Variants in TIAM1 observed in about 807,000 individuals in gnomAD.
The protein encoded by TIAM1 is TIAM Rac1 associated GEF 1.
A neutral mutation model predicts 163.5 loss-of-function variants in TIAM1; 65 were observed. The ratio of observed to expected loss-of-function variants is 0.40; its 90% confidence interval spans 0.33 to 0.49. The LOEUF (loss-of-function observed/expected upper bound fraction) is 0.49. TIAM1 is among the 20% of genes least tolerant of loss of function. The pLI is 0.77. For synonymous variants in TIAM1, 833 were observed against 810.1 expected, an observed-to-expected ratio of 1.03 and a Z score of -0.48; for missense variants, 1,789 against 2,044.7, an observed-to-expected ratio of 0.87 and a Z score of 2.41.
At chr21:31,507,672 C>G (rs2047078556) in intron 1 of TIAM1, among the ~76,000 whole-genome samples, 1 of 152,196 alleles carries the variant, frequency 6.6e-6, no homozygotes, top group Non-Finnish European at 1.5e-5. Context: ...GTCATGGTCC[C>G]CGTCCTCTTG....
At position 31,195,364 on chromosome 21, in the gene TIAM1, GTCA is replaced by G. The variant is rs1197427828; in HGVS notation, c.2494-62_2494-60del. 9.0e-6 allele frequency: 11 copies of G among 1,221,406 alleles called. 1 individual carries two copies. Among genetic ancestry groups the G allele is most frequent in the South Asian group, 6.7e-5 (5 of 75,176 alleles). 75.7% of individuals were successfully genotyped at this position (1,221,406 alleles called of 1,614,324 possible). A position where few individuals can be genotyped will look rare whatever the true frequency, so the allele number is the denominator to read the frequency against. On this transcript the variant is annotated intron_variant, in intron 12 of 27. Coordinates refer to ENST00000541036, the MANE Select transcript of TIAM1 (RefSeq NM_001353694.2). Reference sequence around the variant, plus strand: ...TCATTATAACTAACTTTTAAAAATGGTCATCATTTCATAAATCTATTTTTTCAC... The same window carrying G: ...TCATTATAACTAACTTTTAAAAATGGTCATTTCATAAATCTATTTTTTCAC...
chr21:31,427,987 C>T lies in TIAM1; in HGVS notation c.-369+35996G>A, dbSNP rs57208921. Among the ~76,000 whole-genome samples the T allele has an allele frequency of 3.9e-5, 6 of 152,268 alleles. No homozygotes were observed. The South Asian group carries it at 6.2e-4, about 16-fold the overall frequency. ...TCTATAGAAACTGAACGCGGCCAGGCGCAGTGGCTCATGCCTGTAATCCCA... is the reference window on the plus strand; with the variant it reads ...TCTATAGAAACTGAACGCGGCCAGGTGCAGTGGCTCATGCCTGTAATCCCA... On this transcript the variant is annotated intron_variant, in intron 2 of 28. Transcript: ENST00000286827.
At chr21:31,325,180 A>C (rs1262266657) in intron 2 of TIAM1, among the ~76,000 whole-genome samples, 2 of 151,842 alleles carry the variant, frequency 1.3e-5, no homozygotes, top group African/African-American at 4.8e-5. Context: ...CCTACTCAGG[A>C]GGCAGAGGTA....
At chr21:31,275,976 A>G (rs964011250) in intron 3 of TIAM1, among the ~76,000 whole-genome samples, 4 of 152,240 alleles carry the variant, frequency 2.6e-5, no homozygotes, top group African/African-American at 7.2e-5. Flanking sequence ...TATGACTTGA[A>G]AACAGGCCTC....
At chr21:31,164,195 C>T (rs1450029578) in intron 16 of TIAM1, among the ~76,000 whole-genome samples, 1 of 152,126 alleles carries the variant, frequency 6.6e-6, no homozygotes, top group Non-Finnish European at 1.5e-5. Flanking sequence ...TCGAGACCAT[C>T]CTGGCTAACA....
intron 9 of TIAM1, 36 bp from the exon 10 acceptor site, chr21:31,213,508 T>G (rs763899811): frequency 1.1e-5 from 18 of 1,599,612 alleles, no homozygotes; most frequent in Non-Finnish European, 1.2e-5. Context: ...AAAAGGAATC[T>G]GGGCAACAGG....
chr21:31,194,838 G>A (rs1372017970), intron 13 of TIAM1, among the ~76,000 whole-genome samples: 1 of 152,144 alleles, frequency 6.6e-6, no homozygotes, highest in Non-Finnish European at 1.5e-5. Context: ...AAACATCACT[G>A]TTCTGCCACT....
At chr21:31,298,350 T>C (rs563598296) in intron 2 of TIAM1, among the ~76,000 whole-genome samples, 1 of 152,350 alleles carries the variant, frequency 6.6e-6, no homozygotes, top group African/African-American at 2.4e-5. Context: ...TAAACTTTCT[T>C]AATCATGAAA....
intron 11 of TIAM1, 56 bp from the exon 12 acceptor site, chr21:31,203,068 A>G: frequency 7.3e-7 from 1 of 1,362,180 alleles, no homozygotes; most frequent in Non-Finnish European, 1.0e-6. Context: ...AAATAGGCAC[A>G]ATTAGTTCTC....
chr21:31,477,448 G>T (rs1442576036), intron 1 of TIAM1, among the ~76,000 whole-genome samples: 4 of 150,566 alleles, frequency 2.7e-5, no homozygotes, highest in Non-Finnish European at 4.4e-5. Context: ...CAAATGTTCA[G>T]CGACTCAGGA....
chr21:31,203,325 G>C (rs556059181), intron 11 of TIAM1, among the ~76,000 whole-genome samples: 2 of 152,280 alleles, frequency 1.3e-5, no homozygotes, highest in South Asian at 4.1e-4. Context: ...GTTTCACTAT[G>C]TTGGCCAGGC....
At chr21:31,128,461 C>T (rs1182060575) in intron 25 of TIAM1, among the ~76,000 whole-genome samples, 2 of 152,238 alleles carry the variant, frequency 1.3e-5, no homozygotes, top group African/African-American at 2.4e-5. Context: ...TCAACGCAGG[C>T]GAAATTCCTG....
At chr21:31,172,626 C>T (rs894930990) in intron 15 of TIAM1, among the ~76,000 whole-genome samples, 6 of 152,106 alleles carry the variant, frequency 3.9e-5, no homozygotes, top group Non-Finnish European at 7.4e-5. Flanking sequence ...AGGGCTCGGT[C>T]TAGAGAGACA....
intron 1 of TIAM1, among the ~76,000 whole-genome samples, chr21:31,521,921 G>C (rs1256723132): frequency 1.3e-5 from 2 of 152,046 alleles, no homozygotes; most frequent in African/African-American, 4.8e-5. Context: ...GCCCAGGCTG[G>C]AGTGCAGTTG....
chr21:31,185,427 A>ATATAATTATGT (rs2085244411), intron 14 of TIAM1, among the ~76,000 whole-genome samples: 1 of 100,962 alleles, frequency 9.9e-6, no homozygotes, highest in African/African-American at 6.3e-5. Flanking sequence ...ATTATGTTAT[A>ATATAATTATGT]TAATTATATA....
At chr21:31,162,275 A>T (rs1426962495) in intron 16 of TIAM1, among the ~76,000 whole-genome samples, 1 of 152,204 alleles carries the variant, frequency 6.6e-6, no homozygotes, top group Non-Finnish European at 1.5e-5. Context: ...AAGATGAGTT[A>T]ATATGGAACA....
intron 2 of TIAM1, among the ~76,000 whole-genome samples, chr21:31,359,294 C>G (rs1203068377): frequency 3.9e-5 from 6 of 152,068 alleles, no homozygotes; most frequent in Non-Finnish European, 8.8e-5. Flanking sequence ...AATAGTAATT[C>G]ACAAAGACAA....
intron 2 of TIAM1, among the ~76,000 whole-genome samples, chr21:31,396,858 G>A (rs1263853127): frequency 6.6e-6 from 1 of 152,004 alleles, no homozygotes; most frequent in African/African-American, 2.4e-5. Flanking sequence ...GGCTGAGACA[G>A]GAGAATCACT....
chr21:31,168,526 G>A (rs1601393304), intron 15 of TIAM1, among the ~76,000 whole-genome samples: 1 of 152,104 alleles, frequency 6.6e-6, no homozygotes, highest in Non-Finnish European at 1.5e-5. Context: ...TCAGTCTCCT[G>A]AGTAGCTGGT....
Sources: gnomAD v4.1 joint callset for allele counts (sites outside exome capture counted in the v4.1 genomes callset) on GRCh38, gnomAD v4.1.1 for gene constraint, MANE v1.5 for transcripts, NCBI Gene and HGNC (gene_info 2026-07-23, HGNC 2026-07-21) for gene names.